The following MAP4K1 variants were observed in gnomAD, a reference collection of about 807,000 sequenced individuals.
The protein encoded by MAP4K1 is mitogen-activated protein kinase kinase kinase kinase 1, also known as MAPK/ERK kinase kinase kinase 1.
In MAP4K1, 35 loss-of-function variants were observed where a neutral mutation model predicts 122.8. That is an observed-to-expected ratio of 0.29 (90% confidence interval 0.22 to 0.38). The LOEUF is 0.38. Ranked by LOEUF, MAP4K1 falls within the 10% of genes least tolerant of loss-of-function variation. MAP4K1 has a pLI of 1.00. For missense variants in MAP4K1, 791 were observed against 1,072.6 expected (o/e 0.74, Z 3.67); for synonymous variants, 412 against 421.3 (o/e 0.98, Z 0.27).
In MAP4K1 at chr19:38,610,010, G is replaced by C; in HGVS notation, c.826C>G (p.Gln276Glu). ...ATCAGGCCTCGATTCAGCCCAGGCT[G>C]GGATACCAGTTGATGCTGGCGGAGG... ...TKMLSHQLVS[Q>E]PGLNRGLILD... is the part of the protein sequence containing the mutation. The change falls in exon 12 of 31, where the codon CAG becomes GAG. Residue 276 changes from glutamine to glutamate, a missense_variant. Coordinates refer to ENST00000396857, the MANE Select transcript of MAP4K1 (RefSeq NM_001042600.3). 6.2e-7 allele frequency: 1 copy of C among 1,613,820 alleles called. No individual in the cohort carries two copies. The highest frequency in any genetic ancestry group is 1.1e-5 in the South Asian group (1 of 91,068).
chr19:38,603,357 TATATACACACATATAC>T (rs1975217228), intron 19 of MAP4K1, among the ~76,000 whole-genome samples: 1 of 144,300 alleles, frequency 6.9e-6, no homozygotes, highest in Non-Finnish European at 1.5e-5. Flanking sequence ...CACATATACA[TATATACACACATATAC>T]ATATATACAC....
At chr19:38,606,073 C>G (rs1220362201) in intron 17 of MAP4K1, 100 bp downstream of exon 17, 7 of 951,890 alleles carry the variant, frequency 7.4e-6, no homozygotes, top group Non-Finnish European at 9.7e-6. Context: ...CCCCAATTCC[C>G]TGCCCTGGAG....
chr19:38,616,472 C>T (rs1599723204), intron 3 of MAP4K1, among the ~76,000 whole-genome samples: 1 of 152,012 alleles, frequency 6.6e-6, no homozygotes, highest in Non-Finnish European at 1.5e-5. Flanking sequence ...ATGTGAGTTC[C>T]GGGGCAAGTC....
chr19:38,617,489 A>G lies in MAP4K1; in HGVS notation c.158-45T>C. 1 of 1,599,894 alleles carries G rather than the reference A, an allele frequency of 6.3e-7. No individual in the cohort carries two copies. The highest frequency in any genetic ancestry group is 1.1e-5 in the South Asian group (1 of 90,812). ...GAAAAGGCAGCTCGCATGGGGAGAG[A>G]GCTACAGGGGAGGTGATCCCAGTGT... On this transcript the variant is annotated intron_variant, in intron 2 of 30. Transcript: ENST00000396857. The surrounding 1 kb of genome is among the most constrained non-coding windows in gnomAD (Gnocchi z 4.1).
intron 7 of MAP4K1, 44 bp downstream of exon 7, chr19:38,613,999 G>A (rs187647280): frequency 7.7e-5 from 124 of 1,613,208 alleles, no homozygotes; most frequent in Admixed American, 2.7e-4. Flanking sequence ...CTGCGCTTCC[G>A]GCCCCCCAGT....
At position 38,617,281 on chromosome 19, in the gene MAP4K1, TAC is replaced by T; in HGVS notation, c.248+71_248+72del. Reference sequence around the variant, plus strand: ...GAAAAGAAAAAAAAAGAACTGAGGGTACCCCCATCAAGAAATGGGGACTCCGG... The same window carrying T: ...GAAAAGAAAAAAAAAGAACTGAGGGTCCCCATCAAGAAATGGGGACTCCGG... On this transcript the variant is annotated intron_variant, in intron 3 of 30. Transcript: ENST00000396857. This position sits in a 1 kb window ranked among gnomAD's most constrained non-coding sequence, Gnocchi z 4.1. 1 of 954,132 alleles carries T rather than the reference TAC, an allele frequency of 1.0e-6. No homozygotes were observed. The allele number at this position is 954,132 out of a possible 1,614,324, so 59.1% of individuals were successfully genotyped here.
At chr19:38,602,845 T>C (rs889044974) in intron 19 of MAP4K1, among the ~76,000 whole-genome samples, 1 of 148,946 alleles carries the variant, frequency 6.7e-6, no homozygotes, top group Non-Finnish European at 1.5e-5. Flanking sequence ...CATATACATA[T>C]ATACACATAT....
At position 38,605,586 on chromosome 19, in the gene MAP4K1, G is replaced by A. The variant is rs1041006310; in HGVS notation, c.1345C>T (p.His449Tyr). 24 of 1,547,996 alleles carry A rather than the reference G, an allele frequency of 1.6e-5. No individual in the cohort carries two copies. The highest frequency in any genetic ancestry group is 2.1e-5 in the Admixed American group (1 of 46,830). The stretch of plus-strand genomic sequence containing the variant: ...CCATTACCTGAATGGGCGGTGAGGT[G>A]GGGGCTGCTGGTGGATGGGGGAGGC... ...PGPPPSTSSP[H>Y]LTAHSEPSLW... is the part of the protein sequence containing the mutation. The change falls in exon 18 of 31, where the codon CAC (histidine) becomes TAC (tyrosine). Residue 449 changes from histidine to tyrosine, a missense_variant. Physicochemically the swap from His to Tyr is moderately conservative, Grantham distance 83. Around this residue, in one of 4 missense-constraint regions of MAP4K1, gnomAD observed 303 missense variants for 344.8 expected, o/e 0.88. Transcript: ENST00000396857.
At chr19:38,613,169 G>A (rs1030687046) in intron 8 of MAP4K1, among the ~76,000 whole-genome samples, 3 of 152,098 alleles carry the variant, frequency 2.0e-5, no homozygotes, top group East Asian at 1.9e-4. Context: ...TTAGCCGGGC[G>A]TGGTGGCAGG....
Position 38,603,027 on chromosome 19 carries a change from CAT to C in MAP4K1, c.1447-1504_1447-1503del, listed in dbSNP as rs1408960767. Among the ~76,000 whole-genome samples, 3 of 145,782 alleles carry C rather than the reference CAT, an allele frequency of 2.1e-5. 1 individual carries two copies. The highest frequency in any genetic ancestry group is 3.0e-5 in the Non-Finnish European group (2 of 66,864). On this transcript the variant is annotated intron_variant, in intron 19 of 30. Transcript: ENST00000396857. ...ATATATACACACATATACATGTATA[CAT>C]ATATACACATGTACATATATACGCA... is the stretch of plus-strand genomic sequence containing the variant.
intron 29 of MAP4K1, among the ~76,000 whole-genome samples, chr19:38,594,605 A>C (rs1217325805): frequency 6.6e-6 from 1 of 151,668 alleles, no homozygotes; most frequent in Non-Finnish European, 1.5e-5. Flanking sequence ...ATGCCACTGC[A>C]CTCTGCCCTG....
rs561316957 is a variant in MAP4K1 at position 38,613,484 on chromosome 19, C to T, written c.533+396G>A. Among the ~76,000 whole-genome samples the T allele has an allele frequency of 1.7e-3, 257 of 151,878 alleles. 1 individual carries two copies. Among genetic ancestry groups the T allele is most frequent in the Admixed American group, 0.012 (175 of 15,210 alleles). The stretch of plus-strand genomic sequence containing the variant: ...AGGCTGCAGTGAGCCGTGACTATGC[C>T]ACTGCAATCCAGCCTGGGCCACAGA... On this transcript the variant is annotated intron_variant, in intron 8 of 30. Transcript: ENST00000396857.
At chr19:38,607,817 G>C in intron 16 of MAP4K1, 47 bp downstream of exon 16, 2 of 1,595,286 alleles carry the variant, frequency 1.3e-6, no homozygotes, top group Non-Finnish European at 1.7e-6. Context: ...GTAGGAAGGT[G>C]GGGGCTGAGG....
intron 30 of MAP4K1, among the ~76,000 whole-genome samples, chr19:38,588,112 G>A (rs1260663115): frequency 6.6e-6 from 1 of 152,158 alleles, no homozygotes; most frequent in African/African-American, 2.4e-5. Flanking sequence ...GGTTAGGAGG[G>A]AACTTGGTGA....
Position 38,597,027 on chromosome 19 carries a change from C to T in MAP4K1, c.1941+7G>A. The T allele has an allele frequency of 6.2e-7, 1 of 1,613,974 alleles. No homozygotes were observed. Among genetic ancestry groups the T allele is most frequent in the African/African-American group, 1.3e-5 (1 of 75,018 alleles). On this transcript the variant is annotated splice_region_variant and intron_variant, in intron 25 of 30. Transcript: ENST00000396857. This position sits in a 1 kb window ranked among gnomAD's most constrained non-coding sequence, Gnocchi z 4.6. ...CAGAGTTCCCAGCACCCTCCCAAGCCCCTTACCCGGACAAGCAGGAATTTG... is the reference window on the plus strand; with the variant it reads ...CAGAGTTCCCAGCACCCTCCCAAGCTCCTTACCCGGACAAGCAGGAATTTG...
rs150241305 is a variant in MAP4K1, at chr19:38,593,061, T to C, written c.2396+221A>G. On this transcript the variant is annotated intron_variant, in intron 30 of 30. Transcript: ENST00000396857. ...GCTGCAGTGAGCCGTGGTCGTGCCA[T>C]TGCACTCCAGCCTTTGAGTACAGTG... Among the ~76,000 whole-genome samples, 189 of 152,016 alleles carry C rather than the reference T, an allele frequency of 1.2e-3. 2 individuals carry two copies. Among genetic ancestry groups the C allele is most frequent in the South Asian group, 9.5e-3 (46 of 4,818 alleles).
chr19:38,617,309 G>C lies in MAP4K1; in HGVS notation c.248+45C>G, dbSNP rs1975675847. On this transcript the variant is annotated intron_variant, in intron 3 of 30. Coordinates refer to ENST00000396857, the MANE Select transcript of MAP4K1 (RefSeq NM_001042600.3). This position sits in a 1 kb window ranked among gnomAD's most constrained non-coding sequence, Gnocchi z 4.1. ...CCCCATCAAGAAATGGGGACTCCGG[G>C]TTAGGGGCTGGGCTGGGTGCCAGGG... 7.3e-7 allele frequency: 1 copy of C among 1,366,498 alleles called. No homozygotes were observed. The highest frequency in any genetic ancestry group is 1.2e-5 in the South Asian group (1 of 86,084). The allele number at this position is 1,366,498 out of a possible 1,614,324, so 84.6% of individuals were successfully genotyped here.
intron 30 of MAP4K1, among the ~76,000 whole-genome samples, chr19:38,589,666 C>G (rs558876620): frequency 6.6e-6 from 1 of 152,090 alleles, no homozygotes; most frequent in South Asian, 2.1e-4. Flanking sequence ...CCACCTGCCT[C>G]GGCCTCCCAA....
chr19:38,613,126 G>T, intron 8 of MAP4K1, among the ~76,000 whole-genome samples: 1 of 152,000 alleles, frequency 6.6e-6, no homozygotes, highest in Non-Finnish European at 1.5e-5. Context: ...TGACCAACAT[G>T]GTGAAAGCCC....
Sources: allele counts gnomAD v4.1 joint callset (sites outside exome capture counted in the v4.1 genomes callset), GRCh38; gene constraint gnomAD v4.1.1; regional missense constraint gnomAD v4.1.1; non-coding constraint Gnocchi (gnomAD v3.1); transcripts MANE v1.5; gene names NCBI Gene and HGNC (gene_info 2026-07-23, HGNC 2026-07-21).